Variants in ANKS1B observed in about 807,000 individuals in gnomAD.
The protein encoded by ANKS1B is ankyrin repeat and sterile alpha motif domain containing 1B.
A neutral mutation model predicts 148.3 loss-of-function variants in ANKS1B; 36 were observed. That is an observed-to-expected ratio of 0.24 (90% CI 0.19 to 0.32). ANKS1B has a LOEUF of 0.32. Ranked by LOEUF, ANKS1B falls within the 10% of genes least tolerant of loss-of-function variation. The probability of loss-of-function intolerance (pLI) is 1.00; values close to 1 mark genes in which losing one functional copy is unlikely to be tolerated. For missense variants in ANKS1B, 1,157 were observed against 1,542.6 expected, an observed-to-expected ratio of 0.75 and a Z score of 4.19; for synonymous variants, 542 against 560.8, an observed-to-expected ratio of 0.97 and a Z score of 0.47.
chr12:99,584,059 T>G (rs1597522000), intron 9 of ANKS1B, among the ~76,000 whole-genome samples: 1 of 152,186 alleles, frequency 6.6e-6, no homozygotes, highest in Non-Finnish European at 1.5e-5. Flanking sequence ...CAGGGTTCAT[T>G]TTAGAAAATG....
chr12:98,826,390 T>G (rs1451715796), intron 19 of ANKS1B, among the ~76,000 whole-genome samples: 1 of 152,220 alleles, frequency 6.6e-6, no homozygotes, highest in Non-Finnish European at 1.5e-5. Context: ...AAATGGACAT[T>G]AAATTTATCT....
intron 17 of ANKS1B, among the ~76,000 whole-genome samples, chr12:98,873,709 C>T (rs1595967934): frequency 6.6e-6 from 1 of 152,296 alleles, no homozygotes; most frequent in South Asian, 2.1e-4. Context: ...ATGCCTTCAT[C>T]ATGAAGTTCC....
intron 14 of ANKS1B, 195 bp from the exon 15 acceptor site, chr12:99,154,590 C>G: frequency 6.7e-7 from 1 of 1,487,282 alleles, no homozygotes; most frequent in South Asian, 1.4e-5. Flanking sequence ...GTTTGCCAGG[C>G]AGGCTGTGGA....
chr12:99,850,289 CT>C lies in ANKS1B; in HGVS notation c.135-24901del, dbSNP rs1372994591. The stretch of plus-strand genomic sequence containing the variant: ...ACAGCAGAAGCAAGAAAGTCTCTCT[CT>C]CTCTCTCTCTCTCTCTCTCTCTCTC... On this transcript the variant is annotated intron_variant, in intron 1 of 26. Transcript: ENST00000683438. Among the ~76,000 whole-genome samples, 38 of 150,574 alleles carry C rather than the reference CT, an allele frequency of 2.5e-4. 2 individuals are homozygous for C. The highest frequency in any genetic ancestry group is 1.1e-3 in the Admixed American group (16 of 15,122).
intron 8 of ANKS1B, among the ~76,000 whole-genome samples, chr12:99,709,169 C>T (rs1008970018): frequency 3.2e-4 from 48 of 152,172 alleles, no homozygotes; most frequent in African/African-American, 1.2e-3. Flanking sequence ...CACACATAAG[C>T]ACACGCAAGC....
At chr12:99,326,083 C>G (rs527544529) in intron 12 of ANKS1B, among the ~76,000 whole-genome samples, 2 of 152,084 alleles carry the variant, frequency 1.3e-5, no homozygotes, top group East Asian at 1.9e-4. Flanking sequence ...TTCACTATCA[C>G]GAGAACAGCA....
Position 99,144,392 on chromosome 12 carries a change from ACT to A in ANKS1B, c.2526+9895_2526+9896del, listed in dbSNP as rs559885969. ...GTATATGATTACCCATCTATGAAAA[ACT>A]CTAAGTTATTAGAAAGATTGAATTC... On this transcript the variant is annotated intron_variant, in intron 15 of 26. Transcript: ENST00000683438. 3.2e-4 allele frequency among the ~76,000 whole-genome samples: 49 copies of A among 151,988 alleles called. 2 individuals carry two copies. The East Asian group carries it at 9.3e-3, about 29-fold the overall frequency.
chr12:99,645,685 T>C (rs1310300200), intron 9 of ANKS1B, among the ~76,000 whole-genome samples: 1 of 152,180 alleles, frequency 6.6e-6, no homozygotes, highest in Non-Finnish European at 1.5e-5. Flanking sequence ...TTTCTTAATC[T>C]CAAGTTCAGG....
intron 12 of ANKS1B, among the ~76,000 whole-genome samples, chr12:99,350,766 C>T (rs1469871813): frequency 2.0e-5 from 3 of 152,026 alleles, no homozygotes; most frequent in Non-Finnish European, 4.4e-5. Context: ...TTAAACACTC[C>T]AACCCCTCAA....
chr12:99,022,476 A>C (rs2099946373), intron 17 of ANKS1B, among the ~76,000 whole-genome samples: 1 of 152,178 alleles, frequency 6.6e-6, no homozygotes, highest in African/African-American at 2.4e-5. Flanking sequence ...CGTTGTGAAT[A>C]ATGACTATTT....
chr12:99,714,047 A>G (rs1047947806), intron 8 of ANKS1B, among the ~76,000 whole-genome samples: 6 of 152,250 alleles, frequency 3.9e-5, no homozygotes, highest in Admixed American at 1.3e-4. Context: ...TGAGTCTTAC[A>G]TGACTAAAAT....
rs553595059 is a variant in ANKS1B at position 99,690,140 on chromosome 12, T to G, written c.1129-34930A>C. On this transcript the variant is annotated intron_variant, in intron 8 of 26. Transcript: ENST00000683438. ...ATGCTTAAAAAGCCATCAGATCTCA[T>G]GAGAACTCACTCACTATCATGAGAA... Among the ~76,000 whole-genome samples the G allele has an allele frequency of 3.3e-5, 5 of 152,152 alleles. No homozygotes were observed. The South Asian group carries it at 6.2e-4, about 19-fold the overall frequency.
intron 10 of ANKS1B, among the ~76,000 whole-genome samples, chr12:99,460,339 C>T (rs186291323): frequency 4.9e-4 from 75 of 152,228 alleles, no homozygotes; most frequent in African/African-American, 1.7e-3. Context: ...AAAAACCTTT[C>T]TAGACATTGG....
Position 98,751,656 on chromosome 12 carries a change from G to T in ANKS1B, c.3580-134C>A. ...TCACCAGAGGCAGCAGCGATTCGGT[G>T]GAAATCTACAAAGAACAGGACACTC... On this transcript the variant is annotated intron_variant, in intron 25 of 26. Coordinates refer to ENST00000683438, the MANE Select transcript of ANKS1B (RefSeq NM_001352186.2). The surrounding 1 kb of genome is among the most constrained non-coding windows in gnomAD (Gnocchi z 4.3). The T allele has an allele frequency of 1.2e-6, 1 of 840,778 alleles. No individual in the cohort carries two copies. The highest frequency in any genetic ancestry group is 1.9e-6 in the Non-Finnish European group (1 of 521,106). The allele number at this position is 840,778 out of a possible 1,614,324, so 52.1% of individuals were successfully genotyped here. A position where few individuals can be genotyped will look rare whatever the true frequency, so the allele number is the denominator to read the frequency against.
At chr12:99,117,260 C>T (rs983633204) in intron 15 of ANKS1B, among the ~76,000 whole-genome samples, 3 of 152,162 alleles carry the variant, frequency 2.0e-5, no homozygotes, top group Non-Finnish European at 4.4e-5. Context: ...TGAGAGAGGG[C>T]ATCCTTGTCT....
At chr12:99,513,788 G>T (rs2096789806) in intron 9 of ANKS1B, among the ~76,000 whole-genome samples, 1 of 151,948 alleles carries the variant, frequency 6.6e-6, no homozygotes. Context: ...TGAACTGCTG[G>T]AACAACTTCC....
intron 1 of ANKS1B, among the ~76,000 whole-genome samples, chr12:99,898,574 C>T (rs117220913): frequency 0.019 from 2,888 of 152,256 alleles, 40 homozygotes; most frequent in Non-Finnish European, 0.026. Flanking sequence ...CAAGCTCAGC[C>T]CTAGGCATCC....
At chr12:99,947,255 CAAAAA>C (rs58317609) in intron 1 of ANKS1B, among the ~76,000 whole-genome samples, 2 of 129,060 alleles carry the variant, frequency 1.5e-5, no homozygotes, top group Admixed American at 8.1e-5. Flanking sequence ...TAAAGTAATA[CAAAAA>C]AAAAAAAAAC....
chr12:99,782,157 G>A, intron 4 of ANKS1B, 60 bp from the exon 5 acceptor site: 1 of 1,317,464 alleles, frequency 7.6e-7, no homozygotes. Context: ...CTTACAGGTT[G>A]AAATAAAATG....
Sources: gnomAD v4.1 joint callset for allele counts (sites outside exome capture counted in the v4.1 genomes callset) on GRCh38, gnomAD v4.1.1 for gene constraint, Gnocchi (gnomAD v3.1) non-coding constraint, MANE v1.5 for transcripts, NCBI Gene and HGNC (gene_info 2026-07-23, HGNC 2026-07-21) for gene names.